CHN1: variants seen among roughly 807,000 people sequenced by gnomAD.
CHN1 encodes chimerin 1, also known as N-chimaerin.
Under a neutral mutation model 59.5 loss-of-function variants are expected in CHN1, and 37 were observed. That is an observed-to-expected ratio of 0.62 (90% confidence interval 0.48 to 0.82). CHN1 has a LOEUF of 0.82. Ranked by LOEUF, CHN1 falls within the 40% of genes least tolerant of loss-of-function variation. CHN1 has a pLI of 0.00. For synonymous variants in CHN1, 206 were observed against 200.4 expected (o/e 1.03, Z -0.24); for missense variants, 469 against 571.0 (o/e 0.82, Z 1.82).
intron 1 of CHN1, among the ~76,000 whole-genome samples, chr2:174,991,832 T>C (rs953204540): frequency 3.3e-5 from 5 of 152,216 alleles, no homozygotes; most frequent in Non-Finnish European, 7.3e-5. Context: ...ATTTTATTCA[T>C]TTAACAAATA....
intron 6 of CHN1, among the ~76,000 whole-genome samples, chr2:174,863,249 A>C (rs1687120961): frequency 6.6e-6 from 1 of 152,218 alleles, no homozygotes; most frequent in South Asian, 2.1e-4. Flanking sequence ...AATCATGCAC[A>C]GTTGAAAGAT....
chr2:174,889,158 C>G (rs1687975677), intron 5 of CHN1, among the ~76,000 whole-genome samples: 1 of 152,072 alleles, frequency 6.6e-6, no homozygotes, highest in Non-Finnish European at 1.5e-5. Flanking sequence ...CACACAAGCC[C>G]AGAGAAAACA....
At chr2:174,890,980 CA>C (rs33999354) in intron 5 of CHN1, among the ~76,000 whole-genome samples, 59,930 of 145,924 alleles carry the variant, frequency 0.41, 12,320 homozygotes, top group Admixed American at 0.49. Context: ...ACTAAAAATA[CA>C]AAAAAAAAAA....
At chr2:174,947,343 C>T (rs926725968) in intron 2 of CHN1, among the ~76,000 whole-genome samples, 1 of 152,120 alleles carries the variant, frequency 6.6e-6, no homozygotes, top group Admixed American at 6.6e-5. Context: ...AGGTTATTTA[C>T]TTTTCAATTT....
intron 8 of CHN1, among the ~76,000 whole-genome samples, chr2:174,819,549 T>C (rs1196579210): frequency 1.3e-5 from 2 of 152,202 alleles, no homozygotes; most frequent in African/African-American, 4.8e-5. Context: ...TTTGACAGTC[T>C]CCATGATTAC....
chr2:174,998,236 G>A (rs1212746882), intron 1 of CHN1, among the ~76,000 whole-genome samples: 4 of 147,226 alleles, frequency 2.7e-5, no homozygotes, highest in Non-Finnish European at 4.5e-5. Flanking sequence ...CTGGGAGGTG[G>A]AGGTTGCAGT....
chr2:174,941,643 T>G (rs1689668792), intron 3 of CHN1, among the ~76,000 whole-genome samples: 1 of 152,104 alleles, frequency 6.6e-6, no homozygotes, highest in African/African-American at 2.4e-5. Context: ...AATGTTCACA[T>G]GTTGAACGTT....
At chr2:174,957,935 C>G (rs775104177) in intron 1 of CHN1, among the ~76,000 whole-genome samples, 6 of 152,072 alleles carry the variant, frequency 3.9e-5, no homozygotes, top group Non-Finnish European at 8.8e-5. Context: ...TGCAATAAAG[C>G]CCCAATGAAA....
At chr2:174,836,188 G>T (rs1686070853) in intron 7 of CHN1, among the ~76,000 whole-genome samples, 1 of 152,160 alleles carries the variant, frequency 6.6e-6, no homozygotes, top group Non-Finnish European at 1.5e-5. Context: ...CTGCCTCCAA[G>T]CAGTAAGAGT....
intron 1 of CHN1, among the ~76,000 whole-genome samples, chr2:174,971,373 TTTA>T (rs1690755504): frequency 6.6e-6 from 1 of 152,146 alleles, no homozygotes; most frequent in Non-Finnish European, 1.5e-5. Flanking sequence ...ATGTAAGGAG[TTTA>T]TTTTTTAATT....
chr2:174,976,804 A>T (rs1349111825), intron 1 of CHN1, among the ~76,000 whole-genome samples: 1 of 152,144 alleles, frequency 6.6e-6, no homozygotes, highest in African/African-American at 2.4e-5. Context: ...AAAATCGTTC[A>T]TTTCTATATC....
chr2:174,837,615 G>A (rs1686132724), intron 7 of CHN1, among the ~76,000 whole-genome samples: 1 of 152,130 alleles, frequency 6.6e-6, no homozygotes, highest in African/African-American at 2.4e-5. Flanking sequence ...CAACTGTTGG[G>A]CTACTGGCCT....
chr2:174,930,920 C>T (rs908687417), intron 3 of CHN1, among the ~76,000 whole-genome samples: 6 of 152,076 alleles, frequency 3.9e-5, no homozygotes, highest in Admixed American at 2.0e-4. Flanking sequence ...CATGCACCAC[C>T]TACGCCAGGC....
chr2:174,854,278 A>G (rs574402899), intron 6 of CHN1, among the ~76,000 whole-genome samples: 2 of 152,156 alleles, frequency 1.3e-5, no homozygotes, highest in African/African-American at 4.8e-5. Context: ...AGAGACATGG[A>G]TTTTAAGCCA....
At chr2:174,868,783 A>C (rs1388122821) in intron 6 of CHN1, among the ~76,000 whole-genome samples, 3 of 152,194 alleles carry the variant, frequency 2.0e-5, no homozygotes, top group African/African-American at 7.2e-5. Context: ...AGTGGGCTGC[A>C]CCTACATAGT....
At chr2:174,820,130 C>T (rs531222554) in intron 8 of CHN1, among the ~76,000 whole-genome samples, 69 of 152,154 alleles carry the variant, frequency 4.5e-4, no homozygotes, top group Non-Finnish European at 7.6e-4. Flanking sequence ...AATAAACATA[C>T]GTGTGCATGT....
chr2:174,832,490 AT>A (rs976049664), intron 7 of CHN1, among the ~76,000 whole-genome samples: 2 of 152,052 alleles, frequency 1.3e-5, no homozygotes, highest in African/African-American at 4.8e-5. Flanking sequence ...CATTCTATGA[AT>A]TTTGATATGT....
At chr2:174,988,134 G>A (rs998543785) in intron 1 of CHN1, among the ~76,000 whole-genome samples, 6 of 152,010 alleles carry the variant, frequency 3.9e-5, no homozygotes, top group East Asian at 1.9e-4. Context: ...CAAGGCGGGC[G>A]GATCACGAGG....
At chr2:174,839,016 TA>T (rs780663866) in intron 7 of CHN1, among the ~76,000 whole-genome samples, 2,349 of 141,796 alleles carry the variant, frequency 0.017, 39 homozygotes, top group African/African-American at 0.047. Flanking sequence ...GACTCTGTCT[TA>T]AAAAAAAAAA....
Sources: gnomAD v4.1 joint callset for allele counts (sites outside exome capture counted in the v4.1 genomes callset) on GRCh38, gnomAD v4.1.1 for gene constraint, MANE v1.5 for transcripts, NCBI Gene and HGNC (gene_info 2026-07-23, HGNC 2026-07-21) for gene names.